The following TENM4 variants were observed in gnomAD, a reference collection of about 807,000 sequenced individuals.
TENM4 encodes teneurin transmembrane protein 4.
A neutral mutation model predicts 243.3 loss-of-function variants in TENM4; 82 were observed. The ratio of observed to expected loss-of-function variants is 0.34; its 90% CI spans 0.28 to 0.40. The LOEUF (loss-of-function observed/expected upper bound fraction) is 0.40, where lower values mean the gene tolerates loss of function less well. TENM4 is among the 10% of genes least tolerant of loss of function. The pLI is 1.00. For missense variants in TENM4, 3,138 were observed against 3,673.3 expected (o/e 0.85, Z 3.77); for synonymous variants, 1,412 against 1,456.3 (o/e 0.97, Z 0.69).
chr11:79,046,588 T>C (rs1484060902), intron 6 of TENM4, among the ~76,000 whole-genome samples: 1 of 152,180 alleles, frequency 6.6e-6, no homozygotes, highest in African/African-American at 2.4e-5. Flanking sequence ...CCAATATGAC[T>C]TGTATTCTTA....
At chr11:78,916,679 A>G (rs1274455282) in intron 6 of TENM4, among the ~76,000 whole-genome samples, 1 of 152,224 alleles carries the variant, frequency 6.6e-6, no homozygotes, top group African/African-American at 2.4e-5. Context: ...GAGGAACAGT[A>G]TAGAGTAGGA....
chr11:79,102,526 G>T (rs958556284), intron 4 of TENM4, among the ~76,000 whole-genome samples: 4 of 152,228 alleles, frequency 2.6e-5, no homozygotes, highest in Non-Finnish European at 5.9e-5. Context: ...CCTTGTCCCT[G>T]CTCCCAAAGC....
chr11:79,304,907 G>A (rs1382482453), intron 1 of TENM4, among the ~76,000 whole-genome samples: 2 of 152,170 alleles, frequency 1.3e-5, no homozygotes, highest in African/African-American at 4.8e-5. Context: ...TAAAAACATG[G>A]AAAGTCTAAG....
chr11:79,174,495 T>C (rs943334506), intron 3 of TENM4, among the ~76,000 whole-genome samples: 3 of 152,204 alleles, frequency 2.0e-5, no homozygotes, highest in Non-Finnish European at 4.4e-5. Flanking sequence ...GCCTAGTGCA[T>C]GTCTTTCATC....
intron 1 of TENM4, among the ~76,000 whole-genome samples, chr11:79,305,277 C>A (rs1224770966): frequency 6.6e-6 from 1 of 152,252 alleles, no homozygotes; most frequent in African/African-American, 2.4e-5. Flanking sequence ...TTATGCCAGC[C>A]TTTCAGAGCT....
chr11:78,708,778 C>A (rs594574), intron 26 of TENM4, among the ~76,000 whole-genome samples: 53,299 of 151,884 alleles, frequency 0.35, 10,434 homozygotes, highest in African/African-American at 0.53. Context: ...TTAATCTATC[C>A]CCTTAGCCAT....
At chr11:79,387,578 A>G (rs770586844) in intron 1 of TENM4, among the ~76,000 whole-genome samples, 8 of 152,344 alleles carry the variant, frequency 5.3e-5, no homozygotes, top group African/African-American at 1.9e-4. Context: ...CCACACTTAC[A>G]TATGGAACAC....
rs535831638 is a variant in TENM4 at position 78,924,110 on chromosome 11, C to G, written c.494-20587G>C. On this transcript the variant is annotated intron_variant, in intron 6 of 33. Transcript: ENST00000278550. ...CCTCAGGTGATCCACCTGCCTTGGC[C>G]TCCCAAAGTGCTGGGATTACAGGCG... is the stretch of plus-strand genomic sequence containing the variant. 2.0e-3 allele frequency among the ~76,000 whole-genome samples: 308 copies of G among 152,312 alleles called. 2 individuals are homozygous for G. Among genetic ancestry groups the G allele is most frequent in the Admixed American group, 3.6e-3 (55 of 15,294 alleles).
chr11:79,398,154 A>T (rs1291751038), intron 1 of TENM4, among the ~76,000 whole-genome samples: 2 of 152,316 alleles, frequency 1.3e-5, no homozygotes, highest in Middle Eastern at 3.4e-3. Context: ...AGTTTGCTAC[A>T]CATTCTGTGC....
chr11:79,326,182 G>GC (rs1016013799), intron 1 of TENM4, among the ~76,000 whole-genome samples: 2 of 152,048 alleles, frequency 1.3e-5, no homozygotes, highest in African/African-American at 4.8e-5. Context: ...ACCCTCTTGG[G>GC]CCCCCCGCGG....
chr11:79,010,467 T>C (rs1197909382), intron 6 of TENM4, among the ~76,000 whole-genome samples: 1 of 152,092 alleles, frequency 6.6e-6, no homozygotes, highest in Non-Finnish European at 1.5e-5. Flanking sequence ...TAGTCTGTTA[T>C]CATGCTGCTA....
At chr11:79,246,998 A>AACC (rs1453140886) in intron 2 of TENM4, among the ~76,000 whole-genome samples, 1 of 111,468 alleles carries the variant, frequency 9.0e-6, no homozygotes, top group African/African-American at 3.4e-5. Flanking sequence ...AAAAAAAAAA[A>AACC]CACCCCCCCA....
At chr11:79,125,372 G>C (rs1387075970) in intron 4 of TENM4, among the ~76,000 whole-genome samples, 1 of 152,164 alleles carries the variant, frequency 6.6e-6, no homozygotes, top group Non-Finnish European at 1.5e-5. Flanking sequence ...CCTCAAATCT[G>C]TTAAGACTGC....
At chr11:79,355,467 A>C (rs1857480271) in intron 1 of TENM4, among the ~76,000 whole-genome samples, 2 of 135,934 alleles carry the variant, frequency 1.5e-5, no homozygotes, top group East Asian at 4.2e-4. Context: ...TGGGAAGCAG[A>C]GGTTGCAGTG....
intron 1 of TENM4, among the ~76,000 whole-genome samples, chr11:79,364,217 G>A (rs751421597): frequency 3.3e-5 from 5 of 152,136 alleles, no homozygotes; most frequent in African/African-American, 9.7e-5. Context: ...CTCCATAACC[G>A]CATGTGCCAG....
chr11:78,708,959 CTTT>C (rs374229495), intron 26 of TENM4, among the ~76,000 whole-genome samples: 2 of 119,058 alleles, frequency 1.7e-5, no homozygotes, highest in Non-Finnish European at 3.2e-5. Context: ...TCTTTTCTTT[CTTT>C]TTCTTTCTTT....
intron 12 of TENM4, among the ~76,000 whole-genome samples, chr11:78,829,344 T>C (rs1455456012): frequency 2.0e-5 from 3 of 152,216 alleles, no homozygotes; most frequent in South Asian, 2.1e-4. Flanking sequence ...TTTCCAGCTC[T>C]GACTCTCACT....
At chr11:79,074,590 C>T (rs146143432) in intron 4 of TENM4, among the ~76,000 whole-genome samples, 18 of 152,342 alleles carry the variant, frequency 1.2e-4, no homozygotes, top group African/African-American at 2.4e-4. Flanking sequence ...ACCTGTCTCT[C>T]GCAGACTCAT....
At chr11:79,356,717 C>A (rs1262833611) in intron 1 of TENM4, among the ~76,000 whole-genome samples, 1 of 151,776 alleles carries the variant, frequency 6.6e-6, no homozygotes, top group South Asian at 2.1e-4. Context: ...ATCATCATCA[C>A]TATTATTAGT....
Sources: allele counts gnomAD v4.1 joint callset (sites outside exome capture counted in the v4.1 genomes callset), GRCh38; gene constraint gnomAD v4.1.1; transcripts MANE v1.5; gene names NCBI Gene and HGNC (gene_info 2026-07-23, HGNC 2026-07-21).